Variants in SCYL2 observed in about 807,000 individuals in gnomAD.
The protein encoded by SCYL2 is SCY1 like pseudokinase 2, also known as SCY1-like protein 2.
SCYL2 carries 36 observed loss-of-function variants against 100.4 expected under a neutral mutation model. The ratio of observed to expected loss-of-function variants is 0.36; its 90% CI spans 0.27 to 0.47. SCYL2 has a LOEUF of 0.47. Among genes scored for constraint, SCYL2 ranks in the 20% least tolerant of loss-of-function variants. The probability of loss-of-function intolerance (pLI) is 1.00; values close to 1 mark genes in which losing one functional copy is unlikely to be tolerated. For missense variants in SCYL2, 902 were observed against 1,083.9 expected, an observed-to-expected ratio of 0.83 and a Z score of 2.36; for synonymous variants, 330 against 359.2, an observed-to-expected ratio of 0.92 and a Z score of 0.92.
chr12:100,272,263 A>G (rs1341859344), intron 1 of SCYL2, among the ~76,000 whole-genome samples: 9 of 151,518 alleles, frequency 5.9e-5, no homozygotes, highest in Non-Finnish European at 1.2e-4. Flanking sequence ...ATTGGAAAAT[A>G]TAGGCTTTTT....
intron 3 of SCYL2, among the ~76,000 whole-genome samples, chr12:100,297,786 T>G (rs1037593446): frequency 2.0e-5 from 3 of 152,180 alleles, no homozygotes; most frequent in Non-Finnish European, 2.9e-5. Flanking sequence ...TTTTTAAGTT[T>G]TAAAAAAGAT....
At chr12:100,287,202 AT>A (rs1275002432) in intron 2 of SCYL2, among the ~76,000 whole-genome samples, 2 of 152,216 alleles carry the variant, frequency 1.3e-5, no homozygotes, top group African/African-American at 4.8e-5. Flanking sequence ...TGTAATTTAA[AT>A]TTTATTACTT....
chr12:100,324,283 A>G (rs2096359413), intron 11 of SCYL2, among the ~76,000 whole-genome samples: 1 of 152,274 alleles, frequency 6.6e-6, no homozygotes, highest in East Asian at 1.9e-4. Flanking sequence ...CTAACACTAA[A>G]TATAATAGTT....
At chr12:100,322,265 C>T (rs1201830235) in intron 10 of SCYL2, among the ~76,000 whole-genome samples, 5 of 142,624 alleles carry the variant, frequency 3.5e-5, no homozygotes, top group African/African-American at 1.0e-4. Flanking sequence ...CCCAGCTACG[C>T]GGGAGGCTGA....
chr12:100,337,869 A>G (rs778867702), intron 17 of SCYL2, among the ~76,000 whole-genome samples: 1 of 152,178 alleles, frequency 6.6e-6, no homozygotes, highest in Non-Finnish European at 1.5e-5. Context: ...TGACTTTTCA[A>G]TTATAGTTAG....
At chr12:100,311,459 ATG>A (rs1438743744) in intron 5 of SCYL2, among the ~76,000 whole-genome samples, 7 of 152,114 alleles carry the variant, frequency 4.6e-5, no homozygotes, top group Non-Finnish European at 1.0e-4. Flanking sequence ...AGGATGTCAA[ATG>A]CAATAACACA....
At chr12:100,315,785 A>G in intron 9 of SCYL2, 51 bp downstream of exon 9, 1 of 1,408,116 alleles carries the variant, frequency 7.1e-7, no homozygotes. Context: ...TATGATTGTG[A>G]CTATCACTGA....
At chr12:100,337,590 G>A (rs1222017125) in intron 17 of SCYL2, 84 bp downstream of exon 17, 30 of 1,281,740 alleles carry the variant, frequency 2.3e-5, no homozygotes, top group Non-Finnish European at 3.0e-5. Flanking sequence ...ACTAGTATTT[G>A]TATAAAAATA....
chr12:100,295,400 G>T (rs576708706), intron 3 of SCYL2, among the ~76,000 whole-genome samples: 15 of 152,284 alleles, frequency 9.9e-5, no homozygotes, highest in East Asian at 3.9e-4. Flanking sequence ...CACTCCAGCC[G>T]GGGCACCATT....
At position 100,323,627 on chromosome 12, in the gene SCYL2, T is replaced by G. The variant is rs1401913926; in HGVS notation, c.1498T>G (p.Ser500Ala). The G allele has an allele frequency of 6.3e-7, 1 of 1,575,014 alleles. No individual in the cohort carries two copies. Among genetic ancestry groups the G allele is most frequent in the Non-Finnish European group, 8.7e-7 (1 of 1,151,864 alleles). ...AATTAAAAATGCTTGTCTACAAACA[T>G]CTTCCCTTGCGGTAAGTAATTGCAT... ...PRIKNACLQT[S>A]SLAVRVNSLV... is the part of the protein sequence containing the mutation. Residue 500 changes from serine to alanine, a missense_variant, in exon 11 of 18, where the codon TCT becomes GCT. Physicochemically the swap from Ser to Ala is moderately conservative, Grantham distance 99. Transcript: ENST00000360820.
intron 4 of SCYL2, among the ~76,000 whole-genome samples, chr12:100,300,187 T>C (rs997175536): frequency 6.6e-6 from 1 of 152,214 alleles, no homozygotes; most frequent in Non-Finnish European, 1.5e-5. Flanking sequence ...TCAGATACTT[T>C]GCCCATTTTT....
intron 1 of SCYL2, among the ~76,000 whole-genome samples, chr12:100,268,197 C>G (rs1305432490): frequency 1.3e-5 from 2 of 152,150 alleles, no homozygotes; most frequent in Non-Finnish European, 2.9e-5. Flanking sequence ...TTTAGTACGT[C>G]AAACTCAGGA....
chr12:100,278,777 G>A (rs1003678957), intron 1 of SCYL2, among the ~76,000 whole-genome samples: 2 of 151,684 alleles, frequency 1.3e-5, no homozygotes, highest in African/African-American at 2.4e-5. Flanking sequence ...CTACAGGCGC[G>A]TACCACCATG....
rs74809853 is a variant in SCYL2, at chr12:100,272,953, C to T, written c.-29+5161C>T. Among the ~76,000 whole-genome samples, 1,199 of 152,284 alleles carry T rather than the reference C, an allele frequency of 7.9e-3. 5 individuals carry two copies. The highest frequency in any genetic ancestry group is 0.012 in the Non-Finnish European group (836 of 68,004). ...ACCTCCTTTACCCACCATCTCTTCT[C>T]TATCTTCCTTGACCATATTTCCTTT... is the stretch of plus-strand genomic sequence containing the variant. On this transcript the variant is annotated intron_variant, in intron 1 of 17. Coordinates refer to ENST00000360820, the MANE Select transcript of SCYL2 (RefSeq NM_017988.6).
intron 9 of SCYL2, among the ~76,000 whole-genome samples, chr12:100,317,327 T>C (rs1172870666): frequency 6.6e-6 from 1 of 152,164 alleles, no homozygotes; most frequent in East Asian, 1.9e-4. Flanking sequence ...GCTCAAGCAA[T>C]TCCCCTGTTT....
At chr12:100,268,601 A>T (rs1255611338) in intron 1 of SCYL2, among the ~76,000 whole-genome samples, 2 of 152,228 alleles carry the variant, frequency 1.3e-5, no homozygotes, top group Non-Finnish European at 1.5e-5. Context: ...CATTACTCAC[A>T]TGCAGAAACC....
intron 9 of SCYL2, among the ~76,000 whole-genome samples, chr12:100,317,468 T>G (rs2096350293): frequency 6.6e-6 from 1 of 152,232 alleles, no homozygotes; most frequent in Non-Finnish European, 1.5e-5. Context: ...TGATGGACTT[T>G]ACTTCTTTGG....
chr12:100,325,703 T>G (rs946922946), intron 11 of SCYL2, among the ~76,000 whole-genome samples: 2 of 152,182 alleles, frequency 1.3e-5, no homozygotes, highest in Non-Finnish European at 1.5e-5. Flanking sequence ...GACTAATATT[T>G]TATATATCCT....
chr12:100,326,761 G>A lies in SCYL2; in HGVS notation c.1642+7G>A, dbSNP rs781458326. On this transcript the variant is annotated splice_region_variant and intron_variant, in intron 12 of 17. Coordinates refer to ENST00000360820, the MANE Select transcript of SCYL2 (RefSeq NM_017988.6). ...GTCCTCATGGGAATTTTAGGTAGCTGAAAATTTAATGTCATTTGATGCTAT... is the reference window on the plus strand; with the variant it reads ...GTCCTCATGGGAATTTTAGGTAGCTAAAAATTTAATGTCATTTGATGCTAT... 1 of 1,602,312 alleles carries A rather than the reference G, an allele frequency of 6.2e-7. No homozygotes were observed. Among genetic ancestry groups the A allele is most frequent in the Non-Finnish European group, 8.5e-7 (1 of 1,176,784 alleles).
Sources: allele counts gnomAD v4.1 joint callset (sites outside exome capture counted in the v4.1 genomes callset), GRCh38; gene constraint gnomAD v4.1.1; transcripts MANE v1.5; gene names NCBI Gene and HGNC (gene_info 2026-07-23, HGNC 2026-07-21).